Variants in ZDHHC17 observed in about 807,000 individuals in gnomAD.
ZDHHC17 encodes zDHHC palmitoyltransferase 17.
ZDHHC17 carries 40 observed loss-of-function variants against 90.3 expected under a neutral mutation model. The observed-to-expected ratio is 0.44, with a 90% CI of 0.34 to 0.58. The LOEUF is 0.58. ZDHHC17 is among the 20% of genes least tolerant of loss of function. The pLI is 0.01. For missense variants in ZDHHC17, 614 were observed against 780.8 expected (o/e 0.79, Z 2.55); for synonymous variants, 235 against 252.4 (o/e 0.93, Z 0.65).
chr12:76,795,217 GGTGTGTGTGTGT>G (rs71085456), intron 1 of ZDHHC17, among the ~76,000 whole-genome samples: 5 of 148,636 alleles, frequency 3.4e-5, no homozygotes, highest in Non-Finnish European at 7.5e-5. Flanking sequence ...TTGGTTCATG[GGTGTGTGTGTGT>G]GTGTGTGTGT....
rs149912863 is a variant in ZDHHC17, at chr12:76,790,356, G to A, written c.94-7078G>A. On this transcript the variant is annotated intron_variant, in intron 1 of 16. Transcript: ENST00000426126. ...GTCTCTACTAAAAATACAAAAATTA[G>A]CTGGGCTTAGTGGCACGCATCTGTA... 1.1e-3 allele frequency among the ~76,000 whole-genome samples: 164 copies of A among 152,154 alleles called. 3 individuals carry two copies. The East Asian group carries it at 0.03, about 27-fold the overall frequency.
chr12:76,814,798 G>A (rs535228694), intron 5 of ZDHHC17, among the ~76,000 whole-genome samples: 3 of 151,830 alleles, frequency 2.0e-5, no homozygotes, highest in South Asian at 2.1e-4. Context: ...CAGTTTTGTC[G>A]TTCTCTCTTA....
intron 1 of ZDHHC17, 109 bp downstream of exon 1, chr12:76,764,438 A>T: frequency 1.9e-6 from 2 of 1,032,026 alleles, no homozygotes; most frequent in Non-Finnish European, 2.8e-6. Context: ...GACGTGCCGA[A>T]GTTGGGGAGG....
intron 1 of ZDHHC17, among the ~76,000 whole-genome samples, chr12:76,785,403 G>C (rs11115372): frequency 0.011 from 1,679 of 152,156 alleles, 11 homozygotes; most frequent in Non-Finnish European, 0.017. Flanking sequence ...ACCTTACGAT[G>C]GGACCACATC....
intron 2 of ZDHHC17, among the ~76,000 whole-genome samples, chr12:76,799,815 G>GTA (rs200770182): frequency 0.011 from 1,679 of 152,232 alleles, 11 homozygotes; most frequent in Non-Finnish European, 0.017. Flanking sequence ...TACAGGTTGA[G>GTA]TCCCTTATTC....
intron 12 of ZDHHC17, among the ~76,000 whole-genome samples, chr12:76,843,762 TTTATAC>T (rs1281648331): frequency 2.6e-5 from 4 of 152,154 alleles, no homozygotes; most frequent in African/African-American, 9.6e-5. Flanking sequence ...TAAATGCTCT[TTTATAC>T]TTATACACTG....
At chr12:76,789,634 T>C (rs1952736039) in intron 1 of ZDHHC17, among the ~76,000 whole-genome samples, 1 of 152,022 alleles carries the variant, frequency 6.6e-6, no homozygotes, top group Non-Finnish European at 1.5e-5. Flanking sequence ...GTGAGTACTA[T>C]GATTATAGAC....
At chr12:76,829,833 C>G (rs929302078) in intron 10 of ZDHHC17, among the ~76,000 whole-genome samples, 4 of 151,960 alleles carry the variant, frequency 2.6e-5, no homozygotes, top group Admixed American at 2.6e-4. Context: ...TATACTTACC[C>G]TATTTAAACA....
chr12:76,812,422 T>TTC (rs1241722353), intron 5 of ZDHHC17, among the ~76,000 whole-genome samples: 3 of 151,954 alleles, frequency 2.0e-5, no homozygotes, highest in East Asian at 1.9e-4. Context: ...GTCACACAGT[T>TTC]TCTCTCTCTC....
chr12:76,766,791 G>T (rs1297736000), intron 1 of ZDHHC17, among the ~76,000 whole-genome samples: 2 of 147,340 alleles, frequency 1.4e-5, no homozygotes, highest in Non-Finnish European at 1.5e-5. Context: ...AAGCCGAGGT[G>T]AGAGAATCAC....
chr12:76,845,404 G>C (rs1953483102), intron 12 of ZDHHC17: 1 of 164,542 alleles, frequency 6.1e-6, no homozygotes, highest in African/African-American at 2.4e-5. Flanking sequence ...TGAGGGATGT[G>C]AATTAAACAT....
chr12:76,794,180 C>T (rs866952692), intron 1 of ZDHHC17, among the ~76,000 whole-genome samples: 4 of 151,926 alleles, frequency 2.6e-5, no homozygotes, highest in East Asian at 1.9e-4. Flanking sequence ...CCACTGCACC[C>T]GGCCAAATTA....
intron 10 of ZDHHC17, among the ~76,000 whole-genome samples, chr12:76,836,104 T>A (rs1953359117): frequency 6.6e-6 from 1 of 152,026 alleles, no homozygotes; most frequent in Non-Finnish European, 1.5e-5. Context: ...GTTTTGCGTG[T>A]ACATTTGTGA....
chr12:76,809,184 T>TA, intron 4 of ZDHHC17, 64 bp downstream of exon 4: 3 of 1,153,734 alleles, frequency 2.6e-6, no homozygotes, highest in East Asian at 3.0e-5. Context: ...TAAACAACTT[T>TA]AAAAAAATGA....
chr12:76,804,951 A>G (rs1311238645), intron 2 of ZDHHC17, among the ~76,000 whole-genome samples: 1 of 152,106 alleles, frequency 6.6e-6, no homozygotes, highest in African/African-American at 2.4e-5. Context: ...AATCATTTAT[A>G]TGCATCTTGT....
At chr12:76,799,402 G>C (rs1487333340) in intron 2 of ZDHHC17, among the ~76,000 whole-genome samples, 1 of 152,136 alleles carries the variant, frequency 6.6e-6, no homozygotes, top group Non-Finnish European at 1.5e-5. Context: ...CCATTCTGTA[G>C]AGTTCTGGAA....
intron 1 of ZDHHC17, among the ~76,000 whole-genome samples, chr12:76,789,403 A>G (rs1160678562): frequency 1.3e-5 from 2 of 152,192 alleles, no homozygotes; most frequent in Non-Finnish European, 2.9e-5. Context: ...AAGACAGAGA[A>G]GAGGAAAGCC....
chr12:76,838,622 A>G (rs932341277), intron 10 of ZDHHC17, among the ~76,000 whole-genome samples: 2 of 152,136 alleles, frequency 1.3e-5, no homozygotes, highest in African/African-American at 4.8e-5. Flanking sequence ...CTGAGGTTTT[A>G]TTCTACGCAG....
At chr12:76,789,645 T>C (rs1202963834) in intron 1 of ZDHHC17, among the ~76,000 whole-genome samples, 1 of 151,968 alleles carries the variant, frequency 6.6e-6, no homozygotes, top group Non-Finnish European at 1.5e-5. Context: ...GATTATAGAC[T>C]ATATAAAAAT....
Sources: gnomAD v4.1 joint callset for allele counts (sites outside exome capture counted in the v4.1 genomes callset) on GRCh38, gnomAD v4.1.1 for gene constraint, MANE v1.5 for transcripts, NCBI Gene and HGNC (gene_info 2026-07-23, HGNC 2026-07-21) for gene names.